The following CDH4 variants were observed in gnomAD, a reference collection of about 807,000 sequenced individuals.
CDH4 encodes the protein cadherin 4, also known as cadherin-4.
In CDH4, 33 loss-of-function variants were observed where a neutral mutation model predicts 86.0. That is an observed-to-expected ratio of 0.38 (90% CI 0.29 to 0.51). The LOEUF is 0.51. Among genes scored for constraint, CDH4 ranks in the 20% least tolerant of loss-of-function variants. The probability of loss-of-function intolerance (pLI) is 0.86; values close to 1 mark genes in which losing one functional copy is unlikely to be tolerated. For missense variants in CDH4, 1,114 were observed against 1,307.4 expected, an observed-to-expected ratio of 0.85 and a Z score of 2.28; for synonymous variants, 555 against 549.4, an observed-to-expected ratio of 1.01 and a Z score of -0.14.
At chr20:61,673,772 G>C (rs984469227) in intron 2 of CDH4, among the ~76,000 whole-genome samples, 1 of 152,170 alleles carries the variant, frequency 6.6e-6, no homozygotes, top group South Asian at 2.1e-4. Flanking sequence ...TTATGGAGAT[G>C]CCCACAGAGC....
At chr20:61,428,164 G>A (rs531024364) in intron 2 of CDH4, among the ~76,000 whole-genome samples, 3 of 152,220 alleles carry the variant, frequency 2.0e-5, no homozygotes, top group African/African-American at 4.8e-5. Flanking sequence ...AACTTGGGAC[G>A]GTGAGTTCAT....
chr20:61,493,277 G>C (rs1385705945), intron 2 of CDH4, among the ~76,000 whole-genome samples: 1 of 152,138 alleles, frequency 6.6e-6, no homozygotes, highest in Non-Finnish European at 1.5e-5. Flanking sequence ...GCTTAGCCTA[G>C]AGATTTGTTT....
chr20:61,503,148 G>A (rs1029085119), intron 2 of CDH4, among the ~76,000 whole-genome samples: 6 of 152,216 alleles, frequency 3.9e-5, no homozygotes, highest in African/African-American at 7.2e-5. Context: ...GGCTGCAAAT[G>A]TCCTGGGGTG....
intron 2 of CDH4, among the ~76,000 whole-genome samples, chr20:61,430,388 TTC>T (rs1159175854): frequency 6.6e-6 from 1 of 152,210 alleles, no homozygotes; most frequent in Non-Finnish European, 1.5e-5. Flanking sequence ...CCAGGCGGCC[TTC>T]TGCCTCCAGG....
chr20:61,892,502 A>G (rs560916647), intron 7 of CDH4, among the ~76,000 whole-genome samples: 117 of 152,286 alleles, frequency 7.7e-4, no homozygotes, highest in African/African-American at 2.7e-3. Context: ...GAGCAGGCTG[A>G]GCTGAGAGCA....
chr20:61,570,582 C>G lies in CDH4; in HGVS notation c.170-172981C>G, dbSNP rs965157146. 1.0e-5 allele frequency: 7 copies of G among 689,700 alleles called. No homozygotes were observed. The Admixed American group carries it at 1.4e-4, about 14-fold the overall frequency. 42.7% of individuals were successfully genotyped at this position (689,700 alleles called of 1,614,324 possible). A position where few individuals can be genotyped will look rare whatever the true frequency, so the allele number is the denominator to read the frequency against. On this transcript the variant is annotated intron_variant, in intron 2 of 15. Transcript: ENST00000614565. ...GTTGACTTTTGTGGCTTCCTTTACCCCATTGCTCTGCCCTTTAAAGGGTCC... is the reference window on the plus strand; with the variant it reads ...GTTGACTTTTGTGGCTTCCTTTACCGCATTGCTCTGCCCTTTAAAGGGTCC...
intron 9 of CDH4, among the ~76,000 whole-genome samples, chr20:61,913,786 G>C (rs1156569264): frequency 6.6e-6 from 1 of 152,216 alleles, no homozygotes; most frequent in African/African-American, 2.4e-5. Flanking sequence ...AGGTGGGTGG[G>C]GCATGAATTT....
intron 4 of CDH4, among the ~76,000 whole-genome samples, chr20:61,784,752 G>GA (rs754410387): frequency 7.3e-5 from 10 of 136,494 alleles, no homozygotes; most frequent in African/African-American, 2.8e-4. Flanking sequence ...GCCCCCAGGA[G>GA]AATGTAAGCC....
intron 2 of CDH4, among the ~76,000 whole-genome samples, chr20:61,670,159 G>C (rs2087370656): frequency 6.6e-6 from 1 of 152,186 alleles, no homozygotes; most frequent in South Asian, 2.1e-4. Context: ...GACATGCAGG[G>C]AAATATGGAT....
At chr20:61,727,286 C>T (rs1188865955) in intron 2 of CDH4, among the ~76,000 whole-genome samples, 2 of 151,322 alleles carry the variant, frequency 1.3e-5, no homozygotes, top group East Asian at 2.0e-4. Flanking sequence ...ATCATCAACA[C>T]TGGAGCCATC....
chr20:61,756,609 A>G (rs1335042764), intron 3 of CDH4, among the ~76,000 whole-genome samples: 1 of 144,166 alleles, frequency 6.9e-6, no homozygotes, highest in Non-Finnish European at 1.5e-5. Context: ...TCTCCTGGAG[A>G]AGCCTGGATA....
chr20:61,748,918 A>T (rs1362345816), intron 3 of CDH4, among the ~76,000 whole-genome samples: 4 of 71,288 alleles, frequency 5.6e-5, no homozygotes, highest in African/African-American at 3.1e-4. Flanking sequence ...TAGATGGGCT[A>T]CACATTTCTC....
At chr20:61,611,019 A>G (rs942020074) in intron 2 of CDH4, among the ~76,000 whole-genome samples, 6 of 151,928 alleles carry the variant, frequency 3.9e-5, no homozygotes, top group Non-Finnish European at 8.8e-5. Context: ...CACAGGCACA[A>G]TGGATCCCTG....
chr20:61,587,209 A>T (rs1017885317), intron 2 of CDH4, among the ~76,000 whole-genome samples: 1 of 152,150 alleles, frequency 6.6e-6, no homozygotes, highest in African/African-American at 2.4e-5. Context: ...GGAGAGTGGG[A>T]AACCCACGGG....
intron 2 of CDH4, among the ~76,000 whole-genome samples, chr20:61,593,361 G>A (rs1244034090): frequency 1.3e-5 from 2 of 152,296 alleles, no homozygotes; most frequent in African/African-American, 2.4e-5. Context: ...GTTATACCCC[G>A]GAACTGGAAT....
intron 8 of CDH4, among the ~76,000 whole-genome samples, chr20:61,904,089 C>A (rs778626893): frequency 6.6e-6 from 1 of 152,218 alleles, no homozygotes; most frequent in African/African-American, 2.4e-5. Context: ...CTTGCCCCAG[C>A]GGGGGACAGC....
intron 7 of CDH4, among the ~76,000 whole-genome samples, chr20:61,890,045 TGATG>T (rs1984742098): frequency 6.8e-6 from 1 of 147,536 alleles, no homozygotes; most frequent in East Asian, 2.1e-4. Flanking sequence ...GATAGTTGGA[TGATG>T]GATGGATAGA....
Position 61,835,334 on chromosome 20 carries a change from G to A in CDH4, c.577-9334G>A, listed in dbSNP as rs947334972. ...CCTGCCTCAGCCTCCTAAAGTGCAG[G>A]GATTACAGGTATGAGCCACCGTGCT... is the stretch of plus-strand genomic sequence containing the variant. On this transcript the variant is annotated intron_variant, in intron 4 of 15. Transcript: ENST00000614565. Among the ~76,000 whole-genome samples the A allele has an allele frequency of 1.4e-4, 21 of 152,026 alleles. 1 individual carries two copies. Among genetic ancestry groups the A allele is most frequent in the Admixed American group, 1.4e-3 (21 of 15,266 alleles).
chr20:61,819,374 G>A (rs886199291), intron 4 of CDH4, among the ~76,000 whole-genome samples: 16 of 151,044 alleles, frequency 1.1e-4, no homozygotes, highest in Admixed American at 2.7e-4. Flanking sequence ...AGCACGCGTC[G>A]CTCGCTCTGC....
Sources: gnomAD v4.1 joint callset for allele counts (sites outside exome capture counted in the v4.1 genomes callset) on GRCh38, gnomAD v4.1.1 for gene constraint, MANE v1.5 for transcripts, NCBI Gene and HGNC (gene_info 2026-07-23, HGNC 2026-07-21) for gene names.